Variants in RHOQ observed in about 807,000 individuals in gnomAD.
RHOQ encodes rho-related GTP-binding protein RhoQ.
Under a neutral mutation model 25.8 loss-of-function variants are expected in RHOQ, and 7 were observed. The observed-to-expected ratio is 0.27, with a 90% confidence interval of 0.15 to 0.51. The LOEUF (loss-of-function observed/expected upper bound fraction) is 0.51. Among genes scored for constraint, RHOQ ranks in the 20% least tolerant of loss-of-function variants. RHOQ has a pLI of 0.97. For missense variants in RHOQ, 165 were observed against 260.6 expected, an observed-to-expected ratio of 0.63 and a Z score of 2.53; for synonymous variants, 97 against 98.6, an observed-to-expected ratio of 0.98 and a Z score of 0.10.
chr2:46,561,507 T>G (rs911804848), intron 2 of RHOQ, among the ~76,000 whole-genome samples: 5 of 152,184 alleles, frequency 3.3e-5, no homozygotes, highest in African/African-American at 1.2e-4. Flanking sequence ...GATGACTGCA[T>G]GGCCAACCTT....
At chr2:46,543,999 G>A (rs1667953744) in intron 2 of RHOQ, among the ~76,000 whole-genome samples, 187 bp downstream of exon 2, 1 of 152,150 alleles carries the variant, frequency 6.6e-6, no homozygotes, top group South Asian at 2.1e-4. Flanking sequence ...AACAGAGCCG[G>A]ATAAGCCCCC....
At position 46,556,078 on chromosome 2, in the gene RHOQ, G is replaced by A. The variant is rs749218450; in HGVS notation, c.201+12266G>A. 4.0e-5 allele frequency among the ~76,000 whole-genome samples: 6 copies of A among 151,770 alleles called. No individual in the cohort carries two copies. The highest frequency in any genetic ancestry group is 1.3e-4 in the Admixed American group (2 of 15,258). On this transcript the variant is annotated intron_variant, in intron 2 of 4. Transcript: ENST00000238738. This position sits in a 1 kb window ranked among gnomAD's most constrained non-coding sequence, Gnocchi z 4.9. Reference sequence around the variant, plus strand: ...CACTCCCCACCATTCCTCCTCCCCCGTCTCCTGGCAACCACTAATCTGTCT... The same window carrying A: ...CACTCCCCACCATTCCTCCTCCCCCATCTCCTGGCAACCACTAATCTGTCT...
rs867631360 is a variant in RHOQ at position 46,556,667 on chromosome 2, G to A, written c.201+12855G>A. Among the ~76,000 whole-genome samples, 2 of 151,934 alleles carry A rather than the reference G, an allele frequency of 1.3e-5. No individual in the cohort carries two copies. Among genetic ancestry groups the A allele is most frequent in the South Asian group, 2.1e-4 (1 of 4,814 alleles). The stretch of plus-strand genomic sequence containing the variant: ...GAGGAACACAAAATTCCATCCGATC[G>A]GGTTCTTCCCCCGTAGGAGTTTACA... On this transcript the variant is annotated intron_variant, in intron 2 of 4. Coordinates refer to ENST00000238738, the MANE Select transcript of RHOQ (RefSeq NM_012249.4). This position sits in a 1 kb window ranked among gnomAD's most constrained non-coding sequence, Gnocchi z 4.9.
rs112678529 is a variant in RHOQ at position 46,561,910 on chromosome 2, C to G, written c.202-14177C>G. ...TGGCCAGTGAGAGGCCACCCTGGAC[C>G]TCGGGCCAGGCCCTCTGACTCCAGA... On this transcript the variant is annotated intron_variant, in intron 2 of 4. Transcript: ENST00000238738. Among the ~76,000 whole-genome samples, 1,449 of 152,316 alleles carry G rather than the reference C, an allele frequency of 9.5e-3. 17 individuals are homozygous for G. The highest frequency in any genetic ancestry group is 0.032 in the South Asian group (155 of 4,828).
rs897882303 is a variant in RHOQ, at chr2:46,552,165, G to A, written c.201+8353G>A. The stretch of plus-strand genomic sequence containing the variant: ...GGAACATTGTGTATAGGTGGAACAC[G>A]TAGGGACGGCTGCTAAAACGGCTCC... On this transcript the variant is annotated intron_variant, in intron 2 of 4. Coordinates refer to ENST00000238738, the MANE Select transcript of RHOQ (RefSeq NM_012249.4). The surrounding 1 kb of genome is among the most constrained non-coding windows in gnomAD (Gnocchi z 5.0). Among the ~76,000 whole-genome samples, 2 of 151,118 alleles carry A rather than the reference G, an allele frequency of 1.3e-5. No individual in the cohort carries two copies. Among genetic ancestry groups the A allele is most frequent in the African/African-American group, 2.5e-5 (1 of 40,422 alleles).
At chr2:46,567,924 A>C (rs1668785694) in intron 2 of RHOQ, among the ~76,000 whole-genome samples, 1 of 151,944 alleles carries the variant, frequency 6.6e-6, no homozygotes, top group Non-Finnish European at 1.5e-5. Context: ...AAAATTTCTG[A>C]CTAGCTGGGC....
chr2:46,556,361 A>C lies in RHOQ; in HGVS notation c.201+12549A>C, dbSNP rs535721901. ...CTCTGGGGACTATTTTCAGGGTTTC[A>C]AGGTACAAAGTGAAGTTCTGCTAGT... On this transcript the variant is annotated intron_variant, in intron 2 of 4. Transcript: ENST00000238738. The surrounding 1 kb of genome is among the most constrained non-coding windows in gnomAD (Gnocchi z 4.9). 2.0e-5 allele frequency among the ~76,000 whole-genome samples: 3 copies of C among 152,164 alleles called. No individual in the cohort carries two copies. The highest frequency in any genetic ancestry group is 7.2e-5 in the African/African-American group (3 of 41,504).
intron 1 of RHOQ, 74 bp from the exon 2 acceptor site, chr2:46,543,680 G>T (rs990373505): frequency 4.3e-6 from 6 of 1,380,112 alleles, no homozygotes; most frequent in Non-Finnish European, 6.1e-6. Flanking sequence ...GGAGGGTCCG[G>T]GTGGGGAGCG....
intron 4 of RHOQ, among the ~76,000 whole-genome samples, chr2:46,578,340 G>A (rs949028457): frequency 1.8e-4 from 27 of 151,966 alleles, no homozygotes; most frequent in African/African-American, 5.6e-4. Flanking sequence ...ATATGTAAGA[G>A]TTTATCCTAA....
chr2:46,578,032 C>T (rs1375627039), intron 4 of RHOQ, among the ~76,000 whole-genome samples: 1 of 152,110 alleles, frequency 6.6e-6, no homozygotes, highest in East Asian at 1.9e-4. Context: ...ATACAGGAAC[C>T]TCTTGCATAT....
rs751074375 is a variant in RHOQ at position 46,543,844 on chromosome 2, C to A, written c.201+32C>A. 4 of 1,596,464 alleles carry A rather than the reference C, an allele frequency of 2.5e-6. No individual in the cohort carries two copies. In the African/African-American group the frequency reaches 4.0e-5, roughly 16 times the overall value. ...GTCTTGGCCTCTGGCCGACGCCCCCCTCCTGTTCCCCAGTTCTTTGTGGCT... is the reference window on the plus strand; with the variant it reads ...GTCTTGGCCTCTGGCCGACGCCCCCATCCTGTTCCCCAGTTCTTTGTGGCT... On this transcript the variant is annotated intron_variant, in intron 2 of 4. Coordinates refer to ENST00000238738, the MANE Select transcript of RHOQ (RefSeq NM_012249.4).
In RHOQ at chr2:46,583,136, G is replaced by A. The variant is rs1433907191; in HGVS notation, c.*2053G>A. On this transcript the variant is annotated 3_prime_UTR_variant, in exon 5 of 5. Transcript: ENST00000238738. ...TTCCAACTTGCCTTTGGGGATTTATGAGGATTTTTTTTGGTGGGGGGAGGG... is the reference window on the plus strand; with the variant it reads ...TTCCAACTTGCCTTTGGGGATTTATAAGGATTTTTTTTGGTGGGGGGAGGG... 1 of 152,116 alleles carries A rather than the reference G, an allele frequency of 6.6e-6. No individual in the cohort carries two copies. Among genetic ancestry groups the A allele is most frequent in the African/African-American group, 2.4e-5 (1 of 41,424 alleles). The allele number at this position is 152,116 out of a possible 1,614,324, so 9.4% of individuals were successfully genotyped here.
intron 2 of RHOQ, among the ~76,000 whole-genome samples, chr2:46,573,459 C>G (rs1311099175): frequency 6.6e-6 from 1 of 152,214 alleles, no homozygotes; most frequent in Admixed American, 6.5e-5. Flanking sequence ...GAGGTCTAAA[C>G]ATATGTGTGT....
Position 46,553,586 on chromosome 2 carries a change from T to G in RHOQ, c.201+9774T>G, listed in dbSNP as rs1021813984. On this transcript the variant is annotated intron_variant, in intron 2 of 4. Transcript: ENST00000238738. Reference sequence around the variant, plus strand: ...AATAGTGTCATGTCTTTTTCGAACTTTTTTTTTTTTTTGAGACAGAGTCTC... The same window carrying G: ...AATAGTGTCATGTCTTTTTCGAACTGTTTTTTTTTTTTGAGACAGAGTCTC... 1.3e-4 allele frequency among the ~76,000 whole-genome samples: 20 copies of G among 148,248 alleles called. No homozygotes were observed. In the South Asian group the frequency reaches 1.9e-3, roughly 14 times the overall value.
chr2:46,573,065 ATTTT>A (rs35844392), intron 2 of RHOQ, among the ~76,000 whole-genome samples: 1 of 142,958 alleles, frequency 7.0e-6, no homozygotes, highest in Admixed American at 7.0e-5. Flanking sequence ...CTAACTGCCG[ATTTT>A]TTTTTTTTTT....
chr2:46,543,276 A>T, intron 1 of RHOQ, 88 bp downstream of exon 1: 1 of 1,469,030 alleles, frequency 6.8e-7, no homozygotes, highest in Non-Finnish European at 9.5e-7. Context: ...CCGCCTCCCC[A>T]GAGCGCACTC....
rs1008299856 is a variant in RHOQ at position 46,581,384 on chromosome 2, C to G, written c.*301C>G. On this transcript the variant is annotated 3_prime_UTR_variant, in exon 5 of 5. Coordinates refer to ENST00000238738, the MANE Select transcript of RHOQ (RefSeq NM_012249.4). ...CATCATGTTGTAACTACGTAAAAAACAGAGCTGTAAATGGAACTGCTTGGC... is the reference window on the plus strand; with the variant it reads ...CATCATGTTGTAACTACGTAAAAAAGAGAGCTGTAAATGGAACTGCTTGGC... 1 of 1,514,834 alleles carries G rather than the reference C, an allele frequency of 6.6e-7. No homozygotes were observed. The highest frequency in any genetic ancestry group is 1.4e-5 in the African/African-American group (1 of 71,780). The allele number at this position is 1,514,834 out of a possible 1,614,324, so 93.8% of individuals were successfully genotyped here.
rs1669412934 is a variant in RHOQ, at chr2:46,582,199, C to G, written c.*1116C>G. The G allele has an allele frequency of 6.6e-6, 1 of 151,296 alleles. No individual in the cohort carries two copies. The highest frequency in any genetic ancestry group is 6.6e-5 in the Admixed American group (1 of 15,132). 9.4% of individuals were successfully genotyped at this position (151,296 alleles called of 1,614,324 possible). ...GCTTCCAGAGACCCCTTTTCTCCAG[C>G]CATATTACATCAGGCTAGAAGTAAT... On this transcript the variant is annotated 3_prime_UTR_variant, in exon 5 of 5. Coordinates refer to ENST00000238738, the MANE Select transcript of RHOQ (RefSeq NM_012249.4).
chr2:46,543,735 C>A lies in RHOQ; in HGVS notation c.143-19C>A. The stretch of plus-strand genomic sequence containing the variant: ...GTCACTGTGAGCTTCTCTCCCCGCC[C>A]CCACTTCTGTCCTTGCAGTCAGCGT... On this transcript the variant is annotated intron_variant, in intron 1 of 4. Transcript: ENST00000238738. 1 of 1,611,402 alleles carries A rather than the reference C, an allele frequency of 6.2e-7. No individual in the cohort carries two copies. The highest frequency in any genetic ancestry group is 8.5e-7 in the Non-Finnish European group (1 of 1,178,542).
Sources: allele counts gnomAD v4.1 joint callset (sites outside exome capture counted in the v4.1 genomes callset), GRCh38; gene constraint gnomAD v4.1.1; non-coding constraint Gnocchi (gnomAD v3.1); transcripts MANE v1.5; gene names NCBI Gene and HGNC (gene_info 2026-07-23, HGNC 2026-07-21).